DNAH3: variants seen among roughly 807,000 people sequenced by gnomAD.
DNAH3 encodes dynein axonemal heavy chain 3.
Under a neutral mutation model 432.5 loss-of-function variants are expected in DNAH3, and 332 were observed. The ratio of observed to expected loss-of-function variants is 0.77; its 90% CI spans 0.70 to 0.84. The LOEUF (loss-of-function observed/expected upper bound fraction) is 0.84, where lower values mean the gene tolerates loss of function less well. DNAH3 is among the 40% of genes least tolerant of loss of function. The probability of loss-of-function intolerance (pLI) is 0.00; values close to 1 mark genes in which losing one functional copy is unlikely to be tolerated. For synonymous variants in DNAH3, 1,956 were observed against 1,900.2 expected (o/e 1.03, Z -0.76); for missense variants, 4,861 against 5,114.0 (o/e 0.95, Z 1.51).
At chr16:21,151,044 T>C (rs767072702) in intron 1 of DNAH3, among the ~76,000 whole-genome samples, 198 bp from the exon 1 acceptor site, 3 of 152,166 alleles carry the variant, frequency 2.0e-5, no homozygotes, top group Non-Finnish European at 4.4e-5. Flanking sequence ...GCAACAGCAA[T>C]AAAAGACCTT....
intron 1 of DNAH3, among the ~76,000 whole-genome samples, chr16:21,147,954 C>T (rs1053746099): frequency 6.6e-6 from 1 of 152,204 alleles, no homozygotes; most frequent in Non-Finnish European, 1.5e-5. Context: ...TGCCGTTCAG[C>T]ACTTTAAAGG....
intron 59 of DNAH3, among the ~76,000 whole-genome samples, chr16:20,939,147 AG>A (rs774190394): frequency 2.0e-5 from 3 of 151,874 alleles, no homozygotes; most frequent in Non-Finnish European, 2.9e-5. Context: ...CAGTGGCCTT[AG>A]AGGAGAATGA....
chr16:21,151,602 T>C (rs1042022068), intron 1 of DNAH3, among the ~76,000 whole-genome samples: 4 of 152,076 alleles, frequency 2.6e-5, no homozygotes, highest in African/African-American at 9.7e-5. Context: ...GCCCAGTTTT[T>C]CCCCATTTTA....
chr16:21,146,054 T>C (rs755190752), exon 2 of DNAH3: 1 of 1,613,664 alleles, frequency 6.2e-7, no homozygotes, highest in Admixed American at 1.7e-5. Flanking sequence ...CCCCTGGGAG[T>C]GGCTCATGTG....
chr16:21,115,196 A>G (rs2092159806), intron 12 of DNAH3, among the ~76,000 whole-genome samples: 1 of 152,126 alleles, frequency 6.6e-6, no homozygotes, highest in African/African-American at 2.4e-5. Flanking sequence ...GAACAATGAG[A>G]ACACTTGGAC....
At chr16:21,118,377 T>A (rs1175841715) in intron 11 of DNAH3, among the ~76,000 whole-genome samples, 1 of 152,234 alleles carries the variant, frequency 6.6e-6, no homozygotes, top group Non-Finnish European at 1.5e-5. Context: ...GATGGCTTTA[T>A]GATCATGAGG....
intron 12 of DNAH3, among the ~76,000 whole-genome samples, chr16:21,116,252 T>G (rs2092196621): frequency 6.6e-6 from 1 of 152,114 alleles, no homozygotes; most frequent in Non-Finnish European, 1.5e-5. Context: ...ATGGTTTGGC[T>G]GTGTCCCCAC....
chr16:21,019,432 T>C, intron 41 of DNAH3, 192 bp downstream of exon 41: 1 of 679,024 alleles, frequency 1.5e-6, no homozygotes, highest in Non-Finnish European at 2.4e-6. Context: ...AGTGCTGGGA[T>C]TACCAGTGTG....
At chr16:21,076,483 T>C (rs990810179) in intron 20 of DNAH3, among the ~76,000 whole-genome samples, 3 of 152,204 alleles carry the variant, frequency 2.0e-5, no homozygotes, top group Admixed American at 2.0e-4. Flanking sequence ...GAGGTCATTA[T>C]TCCGGACTGA....
At chr16:20,935,706 G>C (rs1173576177) in intron 60 of DNAH3, among the ~76,000 whole-genome samples, 1 of 152,104 alleles carries the variant, frequency 6.6e-6, no homozygotes, top group Non-Finnish European at 1.5e-5. Context: ...AGCCAGGCGT[G>C]GTGGTGGGCA....
intron 11 of DNAH3, among the ~76,000 whole-genome samples, chr16:21,119,760 C>A (rs1208308020): frequency 1.3e-5 from 2 of 151,770 alleles, no homozygotes; most frequent in Non-Finnish European, 2.9e-5. Context: ...CCACACCCGG[C>A]TAATTTTTTG....
chr16:20,963,152 C>T, intron 53 of DNAH3, 132 bp downstream of exon 53: 7 of 839,468 alleles, frequency 8.3e-6, no homozygotes, highest in Non-Finnish European at 1.3e-5. Flanking sequence ...TCCGTGGCTC[C>T]ACCTCAGCCT....
At chr16:20,971,202 TTTC>T (rs976491958) in intron 51 of DNAH3, among the ~76,000 whole-genome samples, 24 of 152,268 alleles carry the variant, frequency 1.6e-4, no homozygotes, top group Non-Finnish European at 2.6e-4. Context: ...ACTTTTTTTT[TTTC>T]TTTTTTGGTA....
chr16:20,963,715 T>G (rs1022902102), exon 53 of DNAH3: 4 of 1,613,862 alleles, frequency 2.5e-6, no homozygotes, highest in Non-Finnish European at 3.4e-6. Context: ...CCACACCTCC[T>G]CCGTAATTTC....
chr16:21,060,683 G>A (rs1049427808), intron 25 of DNAH3, among the ~76,000 whole-genome samples: 2 of 149,890 alleles, frequency 1.3e-5, no homozygotes, highest in African/African-American at 2.4e-5. Flanking sequence ...CACCACCACC[G>A]CGGCTGATGA....
At chr16:20,946,724 C>G (rs866865458) in intron 57 of DNAH3, among the ~76,000 whole-genome samples, 1 of 151,678 alleles carries the variant, frequency 6.6e-6, no homozygotes, top group Non-Finnish European at 1.5e-5. Flanking sequence ...AGGGGCAGGC[C>G]GCAGGAAACA....
chr16:20,938,531 T>G (rs1567491138), intron 59 of DNAH3, among the ~76,000 whole-genome samples: 1 of 152,168 alleles, frequency 6.6e-6, no homozygotes. Flanking sequence ...TTTCTATTCT[T>G]GCAACTATGA....
At chr16:21,100,351 C>A (rs2091806240) in intron 16 of DNAH3, among the ~76,000 whole-genome samples, 1 of 152,200 alleles carries the variant, frequency 6.6e-6, no homozygotes, top group Non-Finnish European at 1.5e-5. Flanking sequence ...GGATTACAAG[C>A]ATGAGCCACA....
intron 38 of DNAH3, among the ~76,000 whole-genome samples, chr16:21,026,356 G>A (rs1395419758): frequency 6.6e-6 from 1 of 152,006 alleles, no homozygotes; most frequent in Non-Finnish European, 1.5e-5. Context: ...ACCAAATCCC[G>A]TATGTTCTTA....
Sources: allele counts gnomAD v4.1 joint callset (sites outside exome capture counted in the v4.1 genomes callset), GRCh38; gene constraint gnomAD v4.1.1; transcripts MANE v1.5; gene names NCBI Gene and HGNC (gene_info 2026-07-23, HGNC 2026-07-21).